Variants in STPG2 observed in about 807,000 individuals in gnomAD.
The protein encoded by STPG2 is sperm tail PG-rich repeat containing 2, also known as sperm-tail PG-rich repeat-containing protein 2.
STPG2 carries 56 observed loss-of-function variants against 54.2 expected under a neutral mutation model. The ratio of observed to expected loss-of-function variants is 1.03; its 90% CI spans 0.83 to 1.29. The LOEUF is 1.29. Ranked by LOEUF, STPG2 falls within the 50% of genes most tolerant of loss-of-function variation. The pLI is 0.00. For missense variants in STPG2, 596 were observed against 544.9 expected, an observed-to-expected ratio of 1.09 and a Z score of -0.93; for synonymous variants, 200 against 181.8, an observed-to-expected ratio of 1.10 and a Z score of -0.81.
rs571448819 is a variant in STPG2 at position 97,847,733 on chromosome 4, C to T, written c.1045-6801G>A. On this transcript the variant is annotated intron_variant, in intron 8 of 10. Coordinates refer to ENST00000295268, the MANE Select transcript of STPG2 (RefSeq NM_174952.3). Reference sequence around the variant, plus strand: ...CCTTAAAATAAAACTTATTATCTTCCCTTACCTGCAACTACCAAACGATGT... The same window carrying T: ...CCTTAAAATAAAACTTATTATCTTCTCTTACCTGCAACTACCAAACGATGT... Among the ~76,000 whole-genome samples the T allele has an allele frequency of 1.3e-4, 20 of 152,244 alleles. No individual in the cohort carries two copies. The East Asian group carries it at 2.9e-3, about 22-fold the overall frequency.
intron 4 of STPG2, among the ~76,000 whole-genome samples, chr4:97,495,367 T>C (rs905205485): frequency 6.6e-6 from 1 of 151,528 alleles, no homozygotes; most frequent in Non-Finnish European, 1.5e-5. Context: ...CAGTTTGTAA[T>C]GCTCAAATAT....
intron 4 of STPG2, among the ~76,000 whole-genome samples, chr4:97,443,764 TTATATC>T (rs1023173017): frequency 2.6e-5 from 4 of 152,082 alleles, no homozygotes; most frequent in African/African-American, 9.7e-5. Context: ...AAACATCAAA[TTATATC>T]TATAATTTTT....
intron 2 of STPG2, 131 bp downstream of exon 2, chr4:98,134,216 A>T (rs1429349360): frequency 2.4e-6 from 1 of 409,220 alleles, no homozygotes; most frequent in African/African-American, 2.1e-5. Flanking sequence ...CTATTATTCA[A>T]ATTATAAAAT....
At chr4:97,891,373 G>T (rs749677221) in intron 8 of STPG2, among the ~76,000 whole-genome samples, 1 of 151,954 alleles carries the variant, frequency 6.6e-6, no homozygotes, top group Non-Finnish European at 1.5e-5. Context: ...TGCTATAAAG[G>T]TTATGAGAGA....
intron 9 of STPG2, among the ~76,000 whole-genome samples, chr4:97,748,656 T>C (rs995095747): frequency 6.6e-6 from 1 of 151,708 alleles, no homozygotes; most frequent in East Asian, 1.9e-4. Context: ...AACTCTGATA[T>C]TGTAACACAA....
intron 8 of STPG2, among the ~76,000 whole-genome samples, chr4:97,858,900 T>A (rs543713184): frequency 6.6e-6 from 1 of 152,316 alleles, no homozygotes; most frequent in East Asian, 1.9e-4. Context: ...TTATTTCCTC[T>A]GGGTAGATAC....
chr4:98,068,610 C>T (rs749148888), intron 5 of STPG2, among the ~76,000 whole-genome samples: 5 of 152,068 alleles, frequency 3.3e-5, no homozygotes, highest in Non-Finnish European at 5.9e-5. Flanking sequence ...TGTTTAGGGG[C>T]TCTCTGGGTC....
At chr4:97,740,962 TA>T (rs1200941983) in intron 9 of STPG2, among the ~76,000 whole-genome samples, 4 of 152,146 alleles carry the variant, frequency 2.6e-5, no homozygotes, top group Non-Finnish European at 5.9e-5. Flanking sequence ...GACTTCAAAC[TA>T]TACTACAAGA....
At chr4:97,979,268 C>CAA (rs1553930983) in intron 6 of STPG2, among the ~76,000 whole-genome samples, 1 of 151,990 alleles carries the variant, frequency 6.6e-6, no homozygotes, top group African/African-American at 2.4e-5. Context: ...AAGGATGACT[C>CAA]AGCAGAACCA....
chr4:97,964,386 T>C (rs967995875), intron 7 of STPG2, among the ~76,000 whole-genome samples: 1 of 152,132 alleles, frequency 6.6e-6, no homozygotes, highest in South Asian at 2.1e-4. Flanking sequence ...TTAAAAAGGA[T>C]GTACAATCAT....
At chr4:97,479,591 C>G (rs537074885) in intron 4 of STPG2, among the ~76,000 whole-genome samples, 1 of 151,924 alleles carries the variant, frequency 6.6e-6, no homozygotes, top group Non-Finnish European at 1.5e-5. Context: ...TGATTAGCAT[C>G]TAGATTTCTC....
chr4:97,497,437 C>T (rs1276658849), intron 4 of STPG2, among the ~76,000 whole-genome samples: 1 of 151,782 alleles, frequency 6.6e-6, no homozygotes, highest in Non-Finnish European at 1.5e-5. Context: ...ATACTTTTCT[C>T]CCCATTGTGT....
At chr4:97,894,473 C>T (rs1212981694) in intron 8 of STPG2, among the ~76,000 whole-genome samples, 2 of 151,796 alleles carry the variant, frequency 1.3e-5, no homozygotes, top group African/African-American at 4.8e-5. Flanking sequence ...ATAAGAAATT[C>T]CTTCTGTCTA....
intron 10 of STPG2, among the ~76,000 whole-genome samples, chr4:97,562,192 T>C (rs539289287): frequency 1.3e-5 from 2 of 152,320 alleles, no homozygotes; most frequent in South Asian, 4.1e-4. Context: ...TATTTTATTC[T>C]CTTTGAAGCA....
chr4:97,714,659 C>T (rs1432277448), intron 9 of STPG2, among the ~76,000 whole-genome samples: 2 of 151,990 alleles, frequency 1.3e-5, no homozygotes, highest in East Asian at 3.9e-4. Context: ...TGCACATATA[C>T]ATACATAACA....
intron 8 of STPG2, among the ~76,000 whole-genome samples, chr4:97,933,946 A>G (rs1054444365): frequency 6.6e-6 from 1 of 152,210 alleles, no homozygotes; most frequent in African/African-American, 2.4e-5. Flanking sequence ...TCTATAAATT[A>G]CTTTGGGCAG....
chr4:97,708,512 C>A (rs1269900740), intron 10 of STPG2, among the ~76,000 whole-genome samples: 1 of 151,592 alleles, frequency 6.6e-6, no homozygotes, highest in Non-Finnish European at 1.5e-5. Flanking sequence ...GCCTTGTTTG[C>A]CAGTGATTCT....
chr4:97,700,175 C>G (rs1306209420), intron 10 of STPG2, among the ~76,000 whole-genome samples: 2 of 152,122 alleles, frequency 1.3e-5, no homozygotes, highest in Non-Finnish European at 2.9e-5. Flanking sequence ...GGGGGACTGC[C>G]AAAGGCTCCA....
intron 10 of STPG2, among the ~76,000 whole-genome samples, chr4:97,621,127 C>T (rs941869451): frequency 6.6e-6 from 1 of 152,058 alleles, no homozygotes; most frequent in Non-Finnish European, 1.5e-5. Context: ...ATCTCTGGGA[C>T]ACGCTAAGGC....
Sources: allele counts gnomAD v4.1 joint callset (sites outside exome capture counted in the v4.1 genomes callset), GRCh38; gene constraint gnomAD v4.1.1; transcripts MANE v1.5; gene names NCBI Gene and HGNC (gene_info 2026-07-23, HGNC 2026-07-21).